The following SLC25A26 variants were observed in gnomAD, a reference collection of about 807,000 sequenced individuals.
The protein encoded by SLC25A26 is mitochondrial S-adenosylmethionine carrier protein.
SLC25A26 carries 36 observed loss-of-function variants against 37.8 expected under a neutral mutation model. The ratio of observed to expected loss-of-function variants is 0.95; its 90% CI spans 0.73 to 1.26. SLC25A26 has a LOEUF of 1.26. Among genes scored for constraint, SLC25A26 ranks in the 50% most tolerant of loss-of-function variants. The probability of loss-of-function intolerance (pLI) is 0.00; values close to 1 mark genes in which losing one functional copy is unlikely to be tolerated. For missense variants in SLC25A26, 390 were observed against 331.1 expected (o/e 1.18, Z -1.38); for synonymous variants, 129 against 122.5 (o/e 1.05, Z -0.35).
chr3:66,251,529 T>C (rs1219241321), intron 3 of SLC25A26, among the ~76,000 whole-genome samples: 1 of 152,258 alleles, frequency 6.6e-6, no homozygotes, highest in East Asian at 1.9e-4. Context: ...ATCTTGCCAG[T>C]GGGCCCAGCC....
intron 1 of SLC25A26, among the ~76,000 whole-genome samples, chr3:66,168,344 A>G (rs964775549): frequency 6.6e-6 from 1 of 152,000 alleles, no homozygotes; most frequent in Non-Finnish European, 1.5e-5. Context: ...TGCGGGTGAT[A>G]GAAAACTCTA....
intron 9 of SLC25A26, among the ~76,000 whole-genome samples, chr3:66,375,073 C>G (rs1700569185): frequency 6.6e-6 from 1 of 152,104 alleles, no homozygotes; most frequent in Admixed American, 6.5e-5. Flanking sequence ...GTGTAACAGC[C>G]TCATTGCACA....
chr3:66,224,593 A>G (rs141925709), intron 1 of SLC25A26, among the ~76,000 whole-genome samples: 3 of 152,132 alleles, frequency 2.0e-5, no homozygotes, highest in African/African-American at 7.2e-5. Flanking sequence ...GCCAAACCAT[A>G]TCATTCCACC....
In SLC25A26 at chr3:66,170,795, T is replaced by TG. The variant is rs1350031919; in HGVS notation, c.-354+36811_-354+36812insG. ...CATTTAATAGATGTGATTATTGTTTTTTTTTTTTTTTTTTTTTTTTTTTTT... is the reference window on the plus strand; with the variant it reads ...CATTTAATAGATGTGATTATTGTTTTGTTTTTTTTTTTTTTTTTTTTTTTTT... On this transcript the variant is annotated intron_variant, in intron 1 of 10. Transcript: ENST00000676754. Among the ~76,000 whole-genome samples the TG allele has an allele frequency of 2.7e-3, 311 of 115,752 alleles. 5 individuals carry two copies. The highest frequency in any genetic ancestry group is 0.011 in the African/African-American group (304 of 28,344). The allele number at this position is 115,752 out of a possible 152,430, so 75.9% of individuals were successfully genotyped here.
chr3:66,244,920 T>C (rs1360952717), intron 3 of SLC25A26, among the ~76,000 whole-genome samples: 2 of 151,972 alleles, frequency 1.3e-5, no homozygotes, highest in Non-Finnish European at 2.9e-5. Flanking sequence ...GAGCTTGCAG[T>C]GAGCCGAGAT....
In SLC25A26 at chr3:66,239,468, G is replaced by A. The variant is rs549778858; in HGVS notation, c.190+2768G>A. ...CTTTCTGCTCAATAATTTACTTAAT[G>A]GCAGCTGGGAACTTGTTTACTGACT... On this transcript the variant is annotated intron_variant, in intron 2 of 9. Transcript: ENST00000354883. Among the ~76,000 whole-genome samples the A allele has an allele frequency of 1.6e-3, 238 of 152,256 alleles. 1 individual carries two copies. Among genetic ancestry groups the A allele is most frequent in the Middle Eastern group, 3.4e-3 (1 of 294 alleles).
chr3:66,262,948 C>A (rs1384399151), intron 4 of SLC25A26, among the ~76,000 whole-genome samples: 4 of 152,102 alleles, frequency 2.6e-5, no homozygotes, highest in Admixed American at 6.5e-5. Context: ...TAGGCATTTG[C>A]TTTTGGAAAT....
chr3:66,328,292 T>G (rs969609927), intron 5 of SLC25A26, among the ~76,000 whole-genome samples: 1 of 152,196 alleles, frequency 6.6e-6, no homozygotes, highest in Admixed American at 6.5e-5. Context: ...TTCTTTATAG[T>G]TAGACTTCAA....
chr3:66,169,391 A>G (rs1410635538), intron 1 of SLC25A26, among the ~76,000 whole-genome samples: 2 of 152,060 alleles, frequency 1.3e-5, no homozygotes, highest in Non-Finnish European at 2.9e-5. Context: ...TGCACTTGCC[A>G]TTTCCTCTGC....
In SLC25A26 at chr3:66,210,548, C is replaced by A. The variant is rs921272705; in HGVS notation, c.-353-10194C>A. On this transcript the variant is annotated intron_variant, in intron 1 of 10. Transcript: ENST00000676754. ...TTTTTTTCTTGAGATGGGGGTCTCACTCTGTCACTAGGCTGGAGTGCAGTG... is the reference window on the plus strand; with the variant it reads ...TTTTTTTCTTGAGATGGGGGTCTCAATCTGTCACTAGGCTGGAGTGCAGTG... Among the ~76,000 whole-genome samples, 90 of 152,040 alleles carry A rather than the reference C, an allele frequency of 5.9e-4. 1 individual carries two copies. In the East Asian group the frequency reaches 0.01, roughly 17 times the overall value.
intron 1 of SLC25A26, among the ~76,000 whole-genome samples, chr3:66,208,266 C>A (rs1274897427): frequency 1.3e-5 from 2 of 152,028 alleles, no homozygotes; most frequent in Non-Finnish European, 2.9e-5. Context: ...ATTTTCTGCT[C>A]TTGTGAAATG....
intron 1 of SLC25A26, among the ~76,000 whole-genome samples, chr3:66,211,553 TCTTA>T (rs2071284065): frequency 1.3e-5 from 2 of 152,190 alleles, no homozygotes; most frequent in East Asian, 3.9e-4. Flanking sequence ...ATCCAGAAAC[TCTTA>T]CTTAACAAAA....
intron 3 of SLC25A26, among the ~76,000 whole-genome samples, chr3:66,249,849 A>T (rs1187967852): frequency 6.6e-6 from 1 of 152,216 alleles, no homozygotes. Flanking sequence ...TCAATAGTGT[A>T]TGACTATTAC....
chr3:66,363,789 A>G (rs2030570), intron 7 of SLC25A26, among the ~76,000 whole-genome samples: 54,337 of 152,050 alleles, frequency 0.36, 10,384 homozygotes, highest in East Asian at 0.69. Flanking sequence ...GTCGTGATTG[A>G]GAAAACAAAA....
chr3:66,269,741 C>T (rs1008661877), intron 5 of SLC25A26, among the ~76,000 whole-genome samples: 1 of 152,134 alleles, frequency 6.6e-6, no homozygotes, highest in Non-Finnish European at 1.5e-5. Flanking sequence ...AGTCCTAGCT[C>T]ATAAGGGAGA....
intron 1 of SLC25A26, among the ~76,000 whole-genome samples, chr3:66,209,644 C>A (rs1409913750): frequency 1.9e-5 from 2 of 106,384 alleles, no homozygotes; most frequent in African/African-American, 3.1e-5. Context: ...TATATATATA[C>A]CTTTTATAGA....
intron 3 of SLC25A26, among the ~76,000 whole-genome samples, chr3:66,260,653 G>C (rs531152171): frequency 9.2e-5 from 14 of 152,306 alleles, no homozygotes; most frequent in Admixed American, 8.5e-4. Context: ...TTGTCATGGG[G>C]TGCTCGGGCT....
At chr3:66,279,684 C>G (rs1016127758) in intron 5 of SLC25A26, among the ~76,000 whole-genome samples, 1 of 152,022 alleles carries the variant, frequency 6.6e-6, no homozygotes, top group African/African-American at 2.4e-5. Context: ...TGTTATGATT[C>G]TTAGAAAAGT....
At chr3:66,335,809 A>G (rs144656645) in intron 5 of SLC25A26, among the ~76,000 whole-genome samples, 33 of 152,192 alleles carry the variant, frequency 2.2e-4, no homozygotes, top group African/African-American at 7.5e-4. Context: ...CTGCATTACT[A>G]CTAAGCCTCC....
Sources: gnomAD v4.1 joint callset for allele counts (sites outside exome capture counted in the v4.1 genomes callset) on GRCh38, gnomAD v4.1.1 for gene constraint, MANE v1.5 for transcripts, NCBI Gene and HGNC (gene_info 2026-07-23, HGNC 2026-07-21) for gene names.